CDH18: variants seen among roughly 807,000 people sequenced by gnomAD.
The protein encoded by CDH18 is cadherin 18.
Under a neutral mutation model 67.9 loss-of-function variants are expected in CDH18, and 31 were observed. The observed-to-expected ratio is 0.46, with a 90% CI of 0.34 to 0.62. The LOEUF (loss-of-function observed/expected upper bound fraction) is 0.62, where lower values mean the gene tolerates loss of function less well. Among genes scored for constraint, CDH18 ranks in the 20% least tolerant of loss-of-function variants. The pLI is 0.01. For synonymous variants in CDH18, 362 were observed against 347.2 expected (o/e 1.04, Z -0.48); for missense variants, 890 against 975.5 (o/e 0.91, Z 1.17).
chr5:20,197,421 A>T (rs1167458245), intron 2 of CDH18, among the ~76,000 whole-genome samples: 1 of 152,222 alleles, frequency 6.6e-6, no homozygotes, highest in African/African-American at 2.4e-5. Flanking sequence ...TTATCTTTCT[A>T]AATATAAAAA....
intron 10 of CDH18, among the ~76,000 whole-genome samples, chr5:19,508,113 G>T (rs1744513497): frequency 6.7e-6 from 1 of 149,972 alleles, no homozygotes; most frequent in African/African-American, 2.4e-5. Context: ...CCAAAATGCT[G>T]TAATATTTGC....
intron 11 of CDH18, among the ~76,000 whole-genome samples, chr5:19,489,299 G>C (rs780150214): frequency 6.8e-5 from 10 of 146,416 alleles, no homozygotes; most frequent in African/African-American, 1.0e-4. Flanking sequence ...CCAGGCTGGA[G>C]TGCAGTGGTG....
chr5:20,165,856 T>C (rs1241312359), intron 2 of CDH18, among the ~76,000 whole-genome samples: 1 of 152,182 alleles, frequency 6.6e-6, no homozygotes, highest in Non-Finnish European at 1.5e-5. Flanking sequence ...AAACTATTTA[T>C]AATAAAATAA....
intron 3 of CDH18, among the ~76,000 whole-genome samples, chr5:19,812,742 A>C (rs1050887829): frequency 6.6e-6 from 1 of 152,154 alleles, no homozygotes; most frequent in African/African-American, 2.4e-5. Flanking sequence ...TAGCTCAAAC[A>C]TTGTGGAAAA....
intron 3 of CDH18, among the ~76,000 whole-genome samples, chr5:19,749,315 T>C (rs1008583171): frequency 2.6e-5 from 4 of 151,624 alleles, no homozygotes; most frequent in African/African-American, 7.3e-5. Context: ...GTAATTATTA[T>C]GTTGTTATAT....
intron 10 of CDH18, among the ~76,000 whole-genome samples, chr5:19,512,112 G>GT (rs1487925296): frequency 1.3e-5 from 2 of 152,130 alleles, no homozygotes; most frequent in Non-Finnish European, 2.9e-5. Context: ...GAGAAAATAA[G>GT]TATCAATTAA....
intron 1 of CDH18, among the ~76,000 whole-genome samples, chr5:20,310,425 G>A (rs1429540700): frequency 1.3e-5 from 2 of 152,018 alleles, no homozygotes; most frequent in Non-Finnish European, 2.9e-5. Context: ...TTAATTGGGG[G>A]AAATATACCT....
chr5:20,516,394 T>C (rs1442617903), intron 1 of CDH18, among the ~76,000 whole-genome samples: 1 of 151,922 alleles, frequency 6.6e-6, no homozygotes, highest in African/African-American at 2.4e-5. Context: ...GTTAATCAAA[T>C]GGAAAATATA....
At chr5:19,696,535 TAA>T (rs1036674448) in intron 5 of CDH18, among the ~76,000 whole-genome samples, 6 of 139,774 alleles carry the variant, frequency 4.3e-5, no homozygotes, top group Non-Finnish European at 1.6e-5. Context: ...GACTCCATCT[TAA>T]AAAAAAAAAA....
intron 12 of CDH18, among the ~76,000 whole-genome samples, chr5:19,476,552 C>T (rs897737108): frequency 6.6e-6 from 1 of 151,980 alleles, no homozygotes; most frequent in Non-Finnish European, 1.5e-5. Flanking sequence ...CAAACAACAT[C>T]CTCAAGTAAT....
chr5:19,915,676 T>C (rs1791692605), intron 2 of CDH18, among the ~76,000 whole-genome samples: 2 of 152,068 alleles, frequency 1.3e-5, no homozygotes, highest in South Asian at 4.1e-4. Flanking sequence ...ATTTATAACA[T>C]ACATATATAT....
At chr5:19,487,328 A>G (rs1383980030) in intron 11 of CDH18, among the ~76,000 whole-genome samples, 1 of 152,216 alleles carries the variant, frequency 6.6e-6, no homozygotes, top group Non-Finnish European at 1.5e-5. Flanking sequence ...TTCAATAAAG[A>G]TAAGAAATTT....
At chr5:20,226,503 A>G (rs1458703433) in intron 2 of CDH18, among the ~76,000 whole-genome samples, 1 of 152,136 alleles carries the variant, frequency 6.6e-6, no homozygotes, top group East Asian at 1.9e-4. Flanking sequence ...TTTTTTTGAT[A>G]GAGTTGATAG....
chr5:19,554,367 T>C (rs1738005764), intron 8 of CDH18, among the ~76,000 whole-genome samples: 1 of 152,080 alleles, frequency 6.6e-6, no homozygotes, highest in South Asian at 2.1e-4. Flanking sequence ...CTGACCAACA[T>C]GGCCAAACTC....
chr5:20,392,778 A>C (rs188726494), intron 1 of CDH18, among the ~76,000 whole-genome samples: 108 of 152,062 alleles, frequency 7.1e-4, no homozygotes, highest in Middle Eastern at 3.4e-3. Flanking sequence ...ATATTTACTT[A>C]TATGAATTAA....
chr5:20,091,712 C>G (rs1364245904), intron 2 of CDH18, among the ~76,000 whole-genome samples: 1 of 151,932 alleles, frequency 6.6e-6, no homozygotes, highest in Non-Finnish European at 1.5e-5. Flanking sequence ...TAAATAAATA[C>G]TGATCCTCTC....
chr5:19,920,486 G>A (rs878897635), intron 2 of CDH18, among the ~76,000 whole-genome samples: 7 of 146,538 alleles, frequency 4.8e-5, no homozygotes, highest in Admixed American at 4.2e-4. Context: ...AAATGACACA[G>A]ATTAGACACG....
At chr5:20,263,408 A>T (rs1266860918) in intron 1 of CDH18, among the ~76,000 whole-genome samples, 1 of 152,204 alleles carries the variant, frequency 6.6e-6, no homozygotes, top group Non-Finnish European at 1.5e-5. Flanking sequence ...GTTGCCAGTG[A>T]TGAAGTTCAA....
rs1312182542 is a variant in CDH18, at chr5:19,485,411, AT to A, written c.1631-1860del. On this transcript the variant is annotated intron_variant, in intron 11 of 12. Transcript: ENST00000382275. ...GCTGGGACTACAGGCGCCTGCCAAC[AT>A]GCCTGGCTAATTTTTTGTATTTTTA... Among the ~76,000 whole-genome samples the A allele has an allele frequency of 5.9e-5, 9 of 152,086 alleles. No homozygotes were observed. In the East Asian group the frequency reaches 1.7e-3, roughly 30 times the overall value.
Sources: allele counts gnomAD v4.1 joint callset (sites outside exome capture counted in the v4.1 genomes callset), GRCh38; gene constraint gnomAD v4.1.1; transcripts MANE v1.5; gene names NCBI Gene and HGNC (gene_info 2026-07-23, HGNC 2026-07-21).